Variants in HSD17B14 observed in about 807,000 individuals in gnomAD.
The protein encoded by HSD17B14 is L-fucose dehydrogenase.
HSD17B14 carries 32 observed loss-of-function variants against 32.2 expected under a neutral mutation model. The observed-to-expected ratio is 0.99, with a 90% CI of 0.75 to 1.33. HSD17B14 has a LOEUF of 1.33. Ranked by LOEUF, HSD17B14 falls within the 40% of genes most tolerant of loss-of-function variation. The pLI is 0.00. For missense variants in HSD17B14, 370 were observed against 366.5 expected, an observed-to-expected ratio of 1.01 and a Z score of -0.08; for synonymous variants, 140 against 155.4, an observed-to-expected ratio of 0.90 and a Z score of 0.74.
At chr19:48,835,866 TTACTCTCCG>T in intron 1 of HSD17B14, 23 bp from the exon 2 acceptor site, 1 of 1,612,310 alleles carries the variant, frequency 6.2e-7, no homozygotes, top group South Asian at 1.1e-5. Context: ...AGGGAACAGG[TTACTCTCCG>T]AGCCTTGGTT....
chr19:48,831,722 C>G lies in HSD17B14; in HGVS notation c.315G>C (p.Gln105His). Residue 105 changes from glutamine (Q) to histidine (H), a missense_variant, in exon 5 of 9, where the codon CAG becomes CAC. Physicochemically the swap from Gln to His is conservative, Grantham distance 24. Coordinates refer to ENST00000263278, the MANE Select transcript of HSD17B14 (RefSeq NM_016246.3). ...PPQRPEETSAQGFRQLLELNL... is the reference protein window; with the variant it reads ...PPQRPEETSAHGFRQLLELNL... ...TCAGCTCCAGCAGCTGGCGGAATCCCTGGGCAGAGGTCTCCTCAGGCCTCT... is the reference window on the plus strand; with the variant it reads ...TCAGCTCCAGCAGCTGGCGGAATCCGTGGGCAGAGGTCTCCTCAGGCCTCT... The G allele has an allele frequency of 6.2e-7, 1 of 1,613,630 alleles. No individual in the cohort carries two copies. Among genetic ancestry groups the G allele is most frequent in the Non-Finnish European group, 8.5e-7 (1 of 1,179,822 alleles).
intron 5 of HSD17B14, among the ~76,000 whole-genome samples, chr19:48,821,935 GGTGAC>G (rs2035157207): frequency 1.4e-5 from 1 of 72,430 alleles, no homozygotes; most frequent in Non-Finnish European, 3.2e-5. Context: ...TGGTGAGGAT[GGTGAC>G]GTGGTAATGA....
chr19:48,833,639 C>T (rs1187103312), intron 3 of HSD17B14, among the ~76,000 whole-genome samples: 2 of 152,078 alleles, frequency 1.3e-5, no homozygotes, highest in Non-Finnish European at 1.5e-5. Flanking sequence ...CCAGCCTGAC[C>T]AACATGGAGA....
At chr19:48,816,227 T>C (rs2035049147) in intron 5 of HSD17B14, among the ~76,000 whole-genome samples, 1 of 152,086 alleles carries the variant, frequency 6.6e-6, no homozygotes, top group South Asian at 2.1e-4. Context: ...AGGCAAGGCC[T>C]GTCCCTGCCA....
chr19:48,825,759 C>A (rs912080553), intron 5 of HSD17B14, among the ~76,000 whole-genome samples: 1 of 152,246 alleles, frequency 6.6e-6, no homozygotes, highest in East Asian at 1.9e-4. Flanking sequence ...TTTAGGCAAA[C>A]AAGCCACTTG....
intron 5 of HSD17B14, among the ~76,000 whole-genome samples, chr19:48,824,631 T>A (rs1315165059): frequency 6.6e-6 from 1 of 151,214 alleles, no homozygotes; most frequent in Non-Finnish European, 1.5e-5. Flanking sequence ...CCCGGTGTAG[T>A]GGTGCGTGCC....
chr19:48,831,277 G>A (rs75115435), intron 5 of HSD17B14, among the ~76,000 whole-genome samples: 2,028 of 152,278 alleles, frequency 0.013, 26 homozygotes, highest in Middle Eastern at 0.058. Flanking sequence ...GGAATAAGGA[G>A]ATTAAACTAA....
At chr19:48,834,860 G>GA (rs2035446474) in intron 2 of HSD17B14, among the ~76,000 whole-genome samples, 3 of 72,924 alleles carry the variant, frequency 4.1e-5, no homozygotes, top group Admixed American at 2.7e-4. Flanking sequence ...GAGGGGCTGA[G>GA]GTCTGGACTC....
In HSD17B14 at chr19:48,836,383, T is replaced by G; in HGVS notation, c.29A>C (p.Lys10Thr). MATGTRYAGKVVVVTGGGRG... is the reference protein window; with the variant it reads MATGTRYAGTVVVVTGGGRG... The stretch of plus-strand genomic sequence containing the variant: ...CCCGCCCCCGGTCACGACCACCACC[T>G]TCCCGGCATAGCGCGTTCCCGTAGC... The change falls in exon 1 of 9, where the codon AAG (lysine) becomes ACG (threonine). Residue 10 changes from lysine (K) to threonine (T), a missense_variant. Coordinates refer to ENST00000263278, the MANE Select transcript of HSD17B14 (RefSeq NM_016246.3). The G allele has an allele frequency of 1.2e-6, 2 of 1,612,746 alleles. No individual in the cohort carries two copies. Among genetic ancestry groups the G allele is most frequent in the Non-Finnish European group, 1.7e-6 (2 of 1,179,558 alleles).
chr19:48,820,617 C>T (rs55946016), intron 5 of HSD17B14, among the ~76,000 whole-genome samples: 50,165 of 149,160 alleles, frequency 0.34, 8,565 homozygotes, highest in African/African-American at 0.39. Flanking sequence ...CTGCTACCTC[C>T]GCCTCCCAGG....
At chr19:48,829,635 CTTT>C (rs34096239) in intron 5 of HSD17B14, among the ~76,000 whole-genome samples, 2 of 76,088 alleles carry the variant, frequency 2.6e-5, no homozygotes, top group East Asian at 3.4e-4. Flanking sequence ...CCAGGCCTGG[CTTT>C]TTTTTTTTTT....
At chr19:48,829,568 C>A (rs1291764242) in intron 5 of HSD17B14, among the ~76,000 whole-genome samples, 2 of 150,712 alleles carry the variant, frequency 1.3e-5, no homozygotes, top group African/African-American at 4.9e-5. Context: ...GACTCCTGAC[C>A]TCAAGTGATC....
At chr19:48,832,581 G>A in intron 4 of HSD17B14, 85 bp downstream of exon 4, 1 of 1,192,634 alleles carries the variant, frequency 8.4e-7, no homozygotes, top group Non-Finnish European at 1.2e-6. Flanking sequence ...GAGGGAATCA[G>A]GGGCAGGGAG....
At chr19:48,819,893 A>G (rs1018509932) in intron 5 of HSD17B14, among the ~76,000 whole-genome samples, 4 of 152,214 alleles carry the variant, frequency 2.6e-5, no homozygotes, top group African/African-American at 9.6e-5. Flanking sequence ...CACGCCTGTA[A>G]TCCCAGCATC....
intron 4 of HSD17B14, 112 bp from the exon 5 acceptor site, chr19:48,831,871 A>T: frequency 1.5e-6 from 1 of 654,886 alleles, no homozygotes; most frequent in Non-Finnish European, 2.8e-6. Context: ...TGAGGTCAGG[A>T]GTTCAAGACC....
chr19:48,825,260 G>C (rs1297495028), intron 5 of HSD17B14, among the ~76,000 whole-genome samples: 1 of 122,646 alleles, frequency 8.2e-6, no homozygotes, highest in African/African-American at 3.1e-5. Flanking sequence ...AAAAAAAATT[G>C]TATGATCTGG....
chr19:48,822,179 T>C (rs1426213120), intron 5 of HSD17B14, among the ~76,000 whole-genome samples: 1 of 151,560 alleles, frequency 6.6e-6, no homozygotes, highest in African/African-American at 2.4e-5. Flanking sequence ...ATGGTGATGA[T>C]GGTGGTAATG....
chr19:48,825,427 C>T lies in HSD17B14; in HGVS notation c.369+6241G>A, dbSNP rs142825818. 9.7e-4 allele frequency among the ~76,000 whole-genome samples: 148 copies of T among 151,802 alleles called. 2 individuals are homozygous for T. Among genetic ancestry groups the T allele is most frequent in the East Asian group, 2.3e-3 (12 of 5,156 alleles). On this transcript the variant is annotated intron_variant, in intron 5 of 8. Transcript: ENST00000263278. ...CCTGGGCTCAAGTGATCCTCCTCAG[C>T]CTCTTGAGTAGCTGCGACTACAGAT... is the stretch of plus-strand genomic sequence containing the variant.
intron 5 of HSD17B14, among the ~76,000 whole-genome samples, chr19:48,815,578 A>G (rs1360203287): frequency 6.6e-6 from 1 of 152,100 alleles, no homozygotes; most frequent in Non-Finnish European, 1.5e-5. Context: ...TGGCACGATC[A>G]TAGCTCACTG....
Sources: allele counts gnomAD v4.1 joint callset (sites outside exome capture counted in the v4.1 genomes callset), GRCh38; gene constraint gnomAD v4.1.1; transcripts MANE v1.5; gene names NCBI Gene and HGNC (gene_info 2026-07-23, HGNC 2026-07-21).